The following NKAIN3 variants were observed in gnomAD, a reference collection of about 807,000 sequenced individuals.
The protein encoded by NKAIN3 is sodium/potassium-transporting ATPase subunit beta-1-interacting protein 3.
NKAIN3 carries 25 observed loss-of-function variants against 30.2 expected under a neutral mutation model. The observed-to-expected ratio is 0.83, with a 90% CI of 0.60 to 1.16. The LOEUF is 1.16. NKAIN3 is among the 50% of genes most tolerant of loss of function. NKAIN3 has a pLI of 0.00. For synonymous variants in NKAIN3, 91 were observed against 89.6 expected, an observed-to-expected ratio of 1.02 and a Z score of -0.09; for missense variants, 225 against 254.1, an observed-to-expected ratio of 0.89 and a Z score of 0.78.
At chr8:62,829,983 A>G (rs1819145512) in intron 4 of NKAIN3, among the ~76,000 whole-genome samples, 1 of 152,220 alleles carries the variant, frequency 6.6e-6, no homozygotes, top group South Asian at 2.1e-4. Context: ...AAAGTGGGAA[A>G]TGAACAAATT....
chr8:62,993,492 C>G (rs908570102), intron 5 of NKAIN3, among the ~76,000 whole-genome samples: 1 of 152,064 alleles, frequency 6.6e-6, no homozygotes, highest in Non-Finnish European at 1.5e-5. Flanking sequence ...ATATGTAAAC[C>G]TGGAGAGTAA....
chr8:62,464,535 TA>T (rs760700814), intron 1 of NKAIN3, among the ~76,000 whole-genome samples: 13 of 152,206 alleles, frequency 8.5e-5, no homozygotes, highest in Non-Finnish European at 1.3e-4. Flanking sequence ...TATTGCCTGA[TA>T]GAAGCGTAGT....
At chr8:62,571,848 A>G (rs1809950952) in intron 1 of NKAIN3, among the ~76,000 whole-genome samples, 1 of 152,020 alleles carries the variant, frequency 6.6e-6, no homozygotes, top group South Asian at 2.1e-4. Flanking sequence ...AGGGCACCAA[A>G]TCCCTAGGCT....
At chr8:62,894,049 C>A (rs1821364178) in intron 4 of NKAIN3, among the ~76,000 whole-genome samples, 1 of 152,102 alleles carries the variant, frequency 6.6e-6, no homozygotes, top group African/African-American at 2.4e-5. Context: ...TGTATCAAGA[C>A]CCAACAAACA....
chr8:62,754,362 G>GCACACACACACACACA lies in NKAIN3; in HGVS notation c.471+7242_471+7257dup, dbSNP rs35621967. Among the ~76,000 whole-genome samples, 4 of 149,400 alleles carry GCACACACACACACACA rather than the reference G, an allele frequency of 2.7e-5. No homozygotes were observed. The Admixed American group carries it at 2.7e-4, about 10-fold the overall frequency. On this transcript the variant is annotated intron_variant, in intron 4 of 6. Coordinates refer to ENST00000623646, the MANE Select transcript of NKAIN3 (RefSeq NM_001304533.3). ...GATTCATATGCTCATGTTGATTAGT[G>GCACACACACACACACA]CACACACACACACACACACACACAT...
chr8:62,922,123 T>A (rs1341183897), intron 5 of NKAIN3, among the ~76,000 whole-genome samples: 1 of 152,214 alleles, frequency 6.6e-6, no homozygotes, highest in Non-Finnish European at 1.5e-5. Flanking sequence ...TTCAATATTT[T>A]ACATTAAAAA....
At chr8:62,753,466 A>G (rs1816351122) in intron 4 of NKAIN3, among the ~76,000 whole-genome samples, 1 of 152,154 alleles carries the variant, frequency 6.6e-6, no homozygotes, top group Non-Finnish European at 1.5e-5. Context: ...ACACAATGAG[A>G]TCATTTAAAT....
Position 62,746,976 on chromosome 8 carries a change from GT to G in NKAIN3, c.319del (p.Trp107GlyfsTer20), listed in dbSNP as rs1346276031. The G allele has an allele frequency of 6.2e-7, 1 of 1,613,842 alleles. No individual in the cohort carries two copies. The highest frequency in any genetic ancestry group is 1.7e-5 in the Admixed American group (1 of 60,030). ...TCAATATCTCTGTACATCGGTCATG[GT>G]GGAGAGAACATGGGCCTGGTTGTGT... ...TFNISVHRSW[W>X]REHGPGCVRR... is the part of the protein sequence containing the mutation. On this transcript the variant is annotated frameshift_variant, in exon 4 of 7. Transcript: ENST00000623646. LOFTEE classifies it high-confidence loss of function.
chr8:62,291,764 A>G (rs1014870858), intron 1 of NKAIN3, among the ~76,000 whole-genome samples: 8 of 152,176 alleles, frequency 5.3e-5, no homozygotes, highest in Non-Finnish European at 1.2e-4. Context: ...TGCATGGTGC[A>G]GAGCTGAGTT....
At chr8:62,720,255 G>C (rs930984803) in intron 3 of NKAIN3, among the ~76,000 whole-genome samples, 1 of 152,058 alleles carries the variant, frequency 6.6e-6, no homozygotes, top group Non-Finnish European at 1.5e-5. Context: ...AATAATTCCT[G>C]ATATTTTATG....
intron 3 of NKAIN3, among the ~76,000 whole-genome samples, chr8:62,605,697 A>C (rs1157419680): frequency 1.3e-5 from 2 of 152,148 alleles, no homozygotes; most frequent in Non-Finnish European, 2.9e-5. Context: ...ATTAAGTATT[A>C]CAAGTATTCT....
At chr8:62,766,178 A>AG (rs1816832890) in intron 4 of NKAIN3, among the ~76,000 whole-genome samples, 1 of 152,234 alleles carries the variant, frequency 6.6e-6, no homozygotes, top group African/African-American at 2.4e-5. Flanking sequence ...AGAGGAAAAG[A>AG]GAAAAAATTA....
intron 3 of NKAIN3, among the ~76,000 whole-genome samples, chr8:62,668,619 A>G (rs1253699196): frequency 1.3e-5 from 2 of 152,218 alleles, no homozygotes; most frequent in African/African-American, 4.8e-5. Flanking sequence ...CACGTCTAGA[A>G]TAAAAATTAC....
intron 5 of NKAIN3, among the ~76,000 whole-genome samples, chr8:62,934,953 G>A (rs1264448457): frequency 6.6e-6 from 1 of 152,086 alleles, no homozygotes; most frequent in African/African-American, 2.4e-5. Flanking sequence ...CCCTGGAGAG[G>A]GGGAAGGAGA....
At position 62,624,657 on chromosome 8, in the gene NKAIN3, G is replaced by T. The variant is rs151135012; in HGVS notation, c.273+34863G>T. ...GGTTTAGTGTCTTACATTAGTTTTG[G>T]GGAAATTCACAGTCATTGTTGCTTC... is the stretch of plus-strand genomic sequence containing the variant. On this transcript the variant is annotated intron_variant, in intron 3 of 6. Transcript: ENST00000623646. Among the ~76,000 whole-genome samples, 650 of 151,732 alleles carry T rather than the reference G, an allele frequency of 4.3e-3. 5 individuals are homozygous for T. The highest frequency in any genetic ancestry group is 0.015 in the African/African-American group (618 of 41,428).
chr8:62,397,589 C>A (rs1817804479), intron 1 of NKAIN3, among the ~76,000 whole-genome samples: 1 of 152,050 alleles, frequency 6.6e-6, no homozygotes, highest in Non-Finnish European at 1.5e-5. Flanking sequence ...TCTTGACTCC[C>A]AATTAGTTCT....
intron 3 of NKAIN3, among the ~76,000 whole-genome samples, chr8:62,690,566 T>C (rs569394082): frequency 6.6e-6 from 1 of 152,284 alleles, no homozygotes; most frequent in South Asian, 2.1e-4. Context: ...CCGTGGAAGT[T>C]TCTGTCTCTG....
intron 4 of NKAIN3, among the ~76,000 whole-genome samples, chr8:62,803,941 G>T (rs1818172132): frequency 1.3e-5 from 2 of 152,134 alleles, no homozygotes; most frequent in African/African-American, 4.8e-5. Context: ...TATCACCACT[G>T]ATCCCACAGA....
At chr8:62,986,523 G>A (rs1824202871), downstream of NKAIN3, among the ~76,000 whole-genome samples, 1 of 152,068 alleles carries the variant, frequency 6.6e-6, no homozygotes, top group Non-Finnish European at 1.5e-5. Flanking sequence ...CCCTACCAAA[G>A]TGAATGACAT....
Sources: allele counts gnomAD v4.1 joint callset (sites outside exome capture counted in the v4.1 genomes callset), GRCh38; gene constraint gnomAD v4.1.1; transcripts MANE v1.5; gene names NCBI Gene and HGNC (gene_info 2026-07-23, HGNC 2026-07-21).